Variants in KCNB2 observed in about 807,000 individuals in gnomAD.
KCNB2 encodes the protein potassium voltage-gated channel subfamily B member 2.
In KCNB2, 15 loss-of-function variants were observed where a neutral mutation model predicts 61.5. The observed-to-expected ratio is 0.24, with a 90% CI of 0.16 to 0.38. The LOEUF (loss-of-function observed/expected upper bound fraction) is 0.38. Ranked by LOEUF, KCNB2 falls within the 10% of genes least tolerant of loss-of-function variation. The pLI is 1.00. For missense variants in KCNB2, 828 were observed against 1,125.2 expected, an observed-to-expected ratio of 0.74 and a Z score of 3.78; for synonymous variants, 457 against 446.0, an observed-to-expected ratio of 1.02 and a Z score of -0.31.
chr8:72,871,864 G>C (rs1377657728), intron 2 of KCNB2, among the ~76,000 whole-genome samples: 1 of 152,178 alleles, frequency 6.6e-6, no homozygotes, highest in Non-Finnish European at 1.5e-5. Flanking sequence ...AGGAGATCCA[G>C]TAGAATAGTT....
Position 72,804,825 on chromosome 8 carries a change from T to C in KCNB2, c.580-131110T>C, listed in dbSNP as rs138862797. 1.4e-4 allele frequency among the ~76,000 whole-genome samples: 21 copies of C among 152,288 alleles called. No individual in the cohort carries two copies. In the East Asian group the frequency reaches 4.1e-3, roughly 29 times the overall value. On this transcript the variant is annotated intron_variant, in intron 2 of 2. Transcript: ENST00000523207. ...GATGGAAAAAGCTATTCCTGCTTCT[T>C]AGAGCTGGGGCAGAGGCATGGAATG...
intron 2 of KCNB2, among the ~76,000 whole-genome samples, chr8:72,719,215 C>A (rs1256164679): frequency 2.0e-5 from 3 of 151,956 alleles, no homozygotes; most frequent in Admixed American, 2.0e-4. Flanking sequence ...TTTGATATTT[C>A]CCTCGACCTG....
intron 2 of KCNB2, among the ~76,000 whole-genome samples, chr8:72,639,093 C>T (rs1044087912): frequency 6.6e-6 from 1 of 152,126 alleles, no homozygotes; most frequent in Non-Finnish European, 1.5e-5. Flanking sequence ...TTGGTCTTTA[C>T]AATTTCAGAT....
chr8:72,790,083 T>A (rs2128998624), intron 2 of KCNB2, among the ~76,000 whole-genome samples: 2 of 152,262 alleles, frequency 1.3e-5, no homozygotes, highest in Middle Eastern at 3.4e-3. Context: ...AGAATTCCAT[T>A]TAGATACTCT....
intron 2 of KCNB2, among the ~76,000 whole-genome samples, chr8:72,824,471 G>T (rs1322509532): frequency 6.6e-6 from 1 of 152,008 alleles, no homozygotes; most frequent in Non-Finnish European, 1.5e-5. Flanking sequence ...GCATCTCGAG[G>T]TGTGCCACCA....
chr8:72,637,433 TATCA>T (rs1252664831), intron 2 of KCNB2, among the ~76,000 whole-genome samples: 1 of 152,160 alleles, frequency 6.6e-6, no homozygotes, highest in African/African-American at 2.4e-5. Context: ...AAATTGGAGC[TATCA>T]ATCTATCCAG....
At chr8:72,865,737 T>G (rs1421374607) in intron 2 of KCNB2, among the ~76,000 whole-genome samples, 1 of 146,846 alleles carries the variant, frequency 6.8e-6, no homozygotes, top group Admixed American at 6.8e-5. Context: ...TTCCTGCTCT[T>G]CAACTCACTG....
intron 2 of KCNB2, among the ~76,000 whole-genome samples, chr8:72,934,921 T>C (rs1806869889): frequency 6.6e-6 from 1 of 152,082 alleles, no homozygotes; most frequent in South Asian, 2.1e-4. Context: ...ATGTCCTATA[T>C]GGCTTTACAG....
chr8:72,588,745 A>T (rs897376352), intron 2 of KCNB2, among the ~76,000 whole-genome samples: 18 of 22,872 alleles, frequency 7.9e-4, no homozygotes, highest in Middle Eastern at 0.034. Flanking sequence ...AAAAATAAAT[A>T]AAAAAAAAAT....
chr8:72,738,951 T>A (rs1225122604), intron 2 of KCNB2, among the ~76,000 whole-genome samples: 1 of 152,158 alleles, frequency 6.6e-6, no homozygotes, highest in Non-Finnish European at 1.5e-5. Flanking sequence ...AATAGGTTTT[T>A]AAAAAAATTA....
intron 2 of KCNB2, among the ~76,000 whole-genome samples, chr8:72,602,018 A>T (rs559203400): frequency 6.6e-6 from 1 of 152,038 alleles, no homozygotes; most frequent in Non-Finnish European, 1.5e-5. Flanking sequence ...TTCTCTAGAC[A>T]CGTTCTATTT....
At chr8:72,899,517 A>G (rs1438498493) in intron 2 of KCNB2, among the ~76,000 whole-genome samples, 5 of 152,206 alleles carry the variant, frequency 3.3e-5, no homozygotes, top group African/African-American at 1.2e-4. Context: ...CTGATAAATG[A>G]CTTTAGTAAA....
chr8:72,820,125 C>A (rs1274557171), intron 2 of KCNB2, among the ~76,000 whole-genome samples: 1 of 152,106 alleles, frequency 6.6e-6, no homozygotes, highest in Admixed American at 6.6e-5. Flanking sequence ...CCTCATCAAC[C>A]GCTCATCCCC....
rs373526809 is a variant in KCNB2 at position 72,874,855 on chromosome 8, T to C, written c.580-61080T>C. ...ATCCAGTCTGCGACAAGGAAAAATC[T>C]TGGAGCAGACTAATAGCATCCTCAC... On this transcript the variant is annotated intron_variant, in intron 2 of 2. Coordinates refer to ENST00000523207, the MANE Select transcript of KCNB2 (RefSeq NM_004770.3). 16 of 152,372 alleles carry C rather than the reference T, an allele frequency of 1.1e-4. 1 individual carries two copies. Among genetic ancestry groups the C allele is most frequent in the South Asian group, 8.3e-4 (4 of 4,828 alleles). The allele number at this position is 152,372 out of a possible 1,614,324, so 9.4% of individuals were successfully genotyped here. A position where few individuals can be genotyped will look rare whatever the true frequency, so the allele number is the denominator to read the frequency against.
chr8:72,891,405 T>C lies in KCNB2; in HGVS notation c.580-44530T>C, dbSNP rs374874383. On this transcript the variant is annotated intron_variant, in intron 2 of 2. Coordinates refer to ENST00000523207, the MANE Select transcript of KCNB2 (RefSeq NM_004770.3). The stretch of plus-strand genomic sequence containing the variant: ...TCTTCAAAATTATTTTACATGCTTA[T>C]GTAGCAAGACTTAGGAGGGATTAAT... Among the ~76,000 whole-genome samples, 9 of 152,356 alleles carry C rather than the reference T, an allele frequency of 5.9e-5. No individual in the cohort carries two copies. The East Asian group carries it at 1.3e-3, about 23-fold the overall frequency.
intron 2 of KCNB2, among the ~76,000 whole-genome samples, chr8:72,885,935 A>G (rs1355022443): frequency 6.6e-6 from 1 of 152,196 alleles, no homozygotes; most frequent in Non-Finnish European, 1.5e-5. Context: ...AAAGATATCA[A>G]TGTTGCAGCT....
At chr8:72,800,600 C>T (rs1809109353) in intron 2 of KCNB2, among the ~76,000 whole-genome samples, 1 of 152,160 alleles carries the variant, frequency 6.6e-6, no homozygotes, top group Non-Finnish European at 1.5e-5. Flanking sequence ...ATGGTTATTA[C>T]CCAGAGCTCC....
chr8:72,572,669 G>T (rs931934844), intron 2 of KCNB2, among the ~76,000 whole-genome samples: 5 of 152,022 alleles, frequency 3.3e-5, no homozygotes, highest in Non-Finnish European at 7.4e-5. Context: ...CTTAAGAAAA[G>T]GGGGGAATGA....
chr8:72,721,182 C>T (rs1807541512), intron 2 of KCNB2, among the ~76,000 whole-genome samples: 1 of 152,202 alleles, frequency 6.6e-6, no homozygotes, highest in African/African-American at 2.4e-5. Flanking sequence ...CCTTTTATCC[C>T]GTTCTTGGCT....
Sources: allele counts gnomAD v4.1 joint callset (sites outside exome capture counted in the v4.1 genomes callset), GRCh38; gene constraint gnomAD v4.1.1; transcripts MANE v1.5; gene names NCBI Gene and HGNC (gene_info 2026-07-23, HGNC 2026-07-21).